The following NAA40 variants were observed in gnomAD, a reference collection of about 807,000 sequenced individuals.
NAA40 encodes N-alpha-acetyltransferase 40, NatD catalytic subunit, also known as N-alpha-acetyltransferase 40.
A neutral mutation model predicts 36.6 loss-of-function variants in NAA40; 26 were observed. The observed-to-expected ratio is 0.71, with a 90% CI of 0.52 to 0.98. NAA40 has a LOEUF of 0.98. Among genes scored for constraint, NAA40 ranks in the 50% least tolerant of loss-of-function variants. The pLI is 0.00. For missense variants in NAA40, 237 were observed against 306.5 expected, an observed-to-expected ratio of 0.77 and a Z score of 1.69; for synonymous variants, 129 against 108.4, an observed-to-expected ratio of 1.19 and a Z score of -1.18.
rs1470067473 is a variant in NAA40, at chr11:63,952,837, C to T, written c.492C>T (p.Asn164=). The part of the protein sequence containing the change: ...FLIQILQLMA[N]STQMKKVMLT... Reference sequence around the variant, plus strand: ...TACAGATCCTGCAGCTCATGGCCAACAGGTAAGGCCTCCCTTCTTAGGAGG... The same window carrying T: ...TACAGATCCTGCAGCTCATGGCCAATAGGTAAGGCCTCCCTTCTTAGGAGG... The change falls in exon 6 of 8, where the codon AAC becomes AAT. Residue 164 remains asparagine, a splice_region_variant and synonymous_variant. Coordinates refer to ENST00000377793, the MANE Select transcript of NAA40 (RefSeq NM_024771.4). The T allele has an allele frequency of 1.2e-6, 2 of 1,613,936 alleles. No homozygotes were observed. The highest frequency in any genetic ancestry group is 2.2e-5 in the East Asian group (1 of 44,882).
chr11:63,946,946 C>T lies in NAA40; in HGVS notation c.103-5C>T. On this transcript the variant is annotated splice_region_variant and splice_polypyrimidine_tract_variant and intron_variant, in intron 2 of 7. Coordinates refer to ENST00000377793, the MANE Select transcript of NAA40 (RefSeq NM_024771.4). Reference sequence around the variant, plus strand: ...GTGCTGTTCCTCTTTTCTTTCCCTCCACAGCTTGGAGACCCTCTGGAGGCT... The same window carrying T: ...GTGCTGTTCCTCTTTTCTTTCCCTCTACAGCTTGGAGACCCTCTGGAGGCT... 6.2e-7 allele frequency: 1 copy of T among 1,614,122 alleles called. No individual in the cohort carries two copies. The highest frequency in any genetic ancestry group is 8.5e-7 in the Non-Finnish European group (1 of 1,179,972).
At chr11:63,946,353 A>G (rs1046004170) in intron 2 of NAA40, 1 of 255,202 alleles carries the variant, frequency 3.9e-6, no homozygotes, top group South Asian at 5.4e-5. Flanking sequence ...AGCTGGGACT[A>G]TAGGTGCCCA....
Position 63,954,019 on chromosome 11 carries a change from G to A in NAA40, c.542G>A (p.Gly181Asp). The A allele has an allele frequency of 1.2e-6, 2 of 1,614,126 alleles. No individual in the cohort carries two copies. Among genetic ancestry groups the A allele is most frequent in the Non-Finnish European group, 1.7e-6 (2 of 1,180,030 alleles). Residue 181 changes from glycine to aspartate, a missense_variant, in exon 7 of 8, where the codon GGT becomes GAT. Physicochemically the swap from Gly to Asp is moderately conservative, Grantham distance 94. Transcript: ENST00000377793. ...TTAACAGTATTTAAACACAATCATG[G>A]TGCCTACCAGTTCTTCAGAGAAGCG... Reference protein sequence around the residue: ...VMLTVFKHNHGAYQFFREALQ... With the variant: ...VMLTVFKHNHDAYQFFREALQ...
At position 63,939,072 on chromosome 11, in the gene NAA40, G is replaced by A. The variant is rs1432103796; in HGVS notation, c.-25G>A. On this transcript the variant is annotated 5_prime_UTR_variant, in exon 1 of 8. Coordinates refer to ENST00000377793, the MANE Select transcript of NAA40 (RefSeq NM_024771.4). ...TCCCTGCCGGCAAGTGTGTGAAGAA[G>A]AAGCTGAGCGTTGTCGCCGCCGCTA... The A allele has an allele frequency of 6.2e-7, 1 of 1,603,226 alleles. No individual in the cohort carries two copies. Among genetic ancestry groups the A allele is most frequent in the African/African-American group, 1.4e-5 (1 of 72,748 alleles).
At chr11:63,945,715 G>A in intron 1 of NAA40, 125 bp from the exon 2 acceptor site, 1 of 812,246 alleles carries the variant, frequency 1.2e-6, no homozygotes, top group Non-Finnish European at 2.1e-6. Flanking sequence ...TGTGGCAGCA[G>A]AGGTGGGAAA....
At chr11:63,954,211 C>A in intron 7 of NAA40, 127 bp from the exon 8 acceptor site, 1 of 1,388,212 alleles carries the variant, frequency 7.2e-7, no homozygotes, top group Non-Finnish European at 9.8e-7. Context: ...CTGATTTGGT[C>A]CACTGTCCAC....
At chr11:63,939,607 G>A in intron 1 of NAA40, 1 of 471,922 alleles carries the variant, frequency 2.1e-6, no homozygotes, top group Non-Finnish European at 2.8e-6. Context: ...CCCGTTACTC[G>A]AGTCTCAGCG....
Position 63,954,452 on chromosome 11 carries a change from T to C in NAA40, c.687T>C (p.Gly229=), listed in dbSNP as rs770795257. The change falls in exon 8 of 8, where the codon GGT becomes GGC. Residue 229 remains glycine, a synonymous_variant. Transcript: ENST00000377793. ...KFGDSHHSHA[G]GHCGGCCH Reference sequence around the variant, plus strand: ...GGGACAGCCATCACTCCCACGCGGGTGGGCACTGTGGTGGCTGCTGCCACT... The same window carrying C: ...GGGACAGCCATCACTCCCACGCGGGCGGGCACTGTGGTGGCTGCTGCCACT... The C allele has an allele frequency of 1.2e-6, 2 of 1,607,306 alleles. No homozygotes were observed. Among genetic ancestry groups the C allele is most frequent in the South Asian group, 2.2e-5 (2 of 90,160 alleles).
chr11:63,940,993 G>A (rs1217899077), intron 1 of NAA40, among the ~76,000 whole-genome samples: 2 of 152,216 alleles, frequency 1.3e-5, no homozygotes, highest in Admixed American at 1.3e-4. Context: ...GTAACATGCC[G>A]TTCTAGTTCA....
chr11:63,954,163 G>A (rs1647560206), intron 7 of NAA40, 114 bp downstream of exon 7: 6 of 1,360,444 alleles, frequency 4.4e-6, no homozygotes, highest in South Asian at 2.5e-5. Flanking sequence ...AGTGGTCCAT[G>A]GGGGTTCAGG....
chr11:63,944,883 A>T (rs531062859), intron 1 of NAA40, among the ~76,000 whole-genome samples: 60 of 147,264 alleles, frequency 4.1e-4, no homozygotes, highest in Admixed American at 1.7e-3. Context: ...AGCTTGGGTG[A>T]AAGAGTGAGA....
intron 3 of NAA40, among the ~76,000 whole-genome samples, chr11:63,948,822 A>C (rs1193768339): frequency 6.6e-6 from 1 of 152,124 alleles, no homozygotes; most frequent in Admixed American, 6.5e-5. Context: ...GGCCTCCTAA[A>C]GTGCTGTGCC....
chr11:63,945,115 C>T (rs1942166156), intron 1 of NAA40, among the ~76,000 whole-genome samples: 1 of 152,168 alleles, frequency 6.6e-6, no homozygotes, highest in Non-Finnish European at 1.5e-5. Flanking sequence ...GGAGAATCCC[C>T]ACTTGCTGCT....
At position 63,939,030 on chromosome 11, in the gene NAA40, C is replaced by G. The variant is rs1354026564; in HGVS notation, c.-67C>G. The G allele has an allele frequency of 1.4e-5, 22 of 1,575,116 alleles. No homozygotes were observed. In the Admixed American group the frequency reaches 3.8e-4, roughly 27 times the overall value. Reference sequence around the variant, plus strand: ...CGCTCTGCTGCCGCCGCTGTTGCAGCCACCGCCGTTGCCGCCTCCCTGCCG... The same window carrying G: ...CGCTCTGCTGCCGCCGCTGTTGCAGGCACCGCCGTTGCCGCCTCCCTGCCG... On this transcript the variant is annotated 5_prime_UTR_variant, in exon 1 of 8. Transcript: ENST00000377793.
At chr11:63,940,952 G>GTTTTAAT (rs1942099133) in intron 1 of NAA40, among the ~76,000 whole-genome samples, 1 of 152,180 alleles carries the variant, frequency 6.6e-6, no homozygotes, top group South Asian at 2.1e-4. Context: ...ACCAGAAGCA[G>GTTTTAAT]CCACTGCGGA....
chr11:63,945,504 G>C (rs1299629169), intron 1 of NAA40, among the ~76,000 whole-genome samples: 1 of 152,200 alleles, frequency 6.6e-6, no homozygotes, highest in East Asian at 1.9e-4. Context: ...CTCCTTAGGA[G>C]GGAGCGGGTG....
intron 1 of NAA40, among the ~76,000 whole-genome samples, chr11:63,941,395 G>A (rs1206369905): frequency 6.6e-6 from 1 of 152,180 alleles, no homozygotes; most frequent in Non-Finnish European, 1.5e-5. Flanking sequence ...CATCTTTCAG[G>A]AGTTAGAATT....
At chr11:63,950,709 G>A (rs1388174578) in intron 3 of NAA40, among the ~76,000 whole-genome samples, 2 of 151,960 alleles carry the variant, frequency 1.3e-5, no homozygotes, top group East Asian at 1.9e-4. Flanking sequence ...TGATCCGCCC[G>A]CCTCGGCCTC....
chr11:63,939,316 C>T (rs1205880722), intron 1 of NAA40: 2 of 1,256,074 alleles, frequency 1.6e-6, no homozygotes, highest in Non-Finnish European at 2.0e-6. Flanking sequence ...GGGGCCCCAC[C>T]CCCTCGGCGC....
Sources: allele counts gnomAD v4.1 joint callset (sites outside exome capture counted in the v4.1 genomes callset), GRCh38; gene constraint gnomAD v4.1.1; transcripts MANE v1.5; gene names NCBI Gene and HGNC (gene_info 2026-07-23, HGNC 2026-07-21).